The following SGCZ variants were observed in gnomAD, a reference collection of about 807,000 sequenced individuals.
The protein encoded by SGCZ is zeta-sarcoglycan.
In SGCZ, 40 loss-of-function variants were observed where a neutral mutation model predicts 41.3. The ratio of observed to expected loss-of-function variants is 0.97; its 90% CI spans 0.75 to 1.26. The LOEUF (loss-of-function observed/expected upper bound fraction) is 1.26, where lower values mean the gene tolerates loss of function less well. SGCZ is among the 50% of genes most tolerant of loss of function. SGCZ has a pLI of 0.00. For synonymous variants in SGCZ, 206 were observed against 137.5 expected, an observed-to-expected ratio of 1.50 and a Z score of -3.49; for missense variants, 552 against 369.8, an observed-to-expected ratio of 1.49 and a Z score of -4.04.
chr8:14,396,369 G>C (rs1379580341), intron 2 of SGCZ, among the ~76,000 whole-genome samples: 1 of 152,096 alleles, frequency 6.6e-6, no homozygotes, highest in Non-Finnish European at 1.5e-5. Context: ...CTGAGGAAAA[G>C]GGAGTGATAA....
chr8:14,666,391 A>T (rs1039085645), intron 1 of SGCZ, among the ~76,000 whole-genome samples: 1 of 152,204 alleles, frequency 6.6e-6, no homozygotes, highest in Non-Finnish European at 1.5e-5. Flanking sequence ...GTGAATTAAT[A>T]TTCCTCATTT....
At chr8:14,482,750 A>G (rs1346893817) in intron 2 of SGCZ, among the ~76,000 whole-genome samples, 1 of 152,038 alleles carries the variant, frequency 6.6e-6, no homozygotes, top group Non-Finnish European at 1.5e-5. Flanking sequence ...ACAAAAAGGC[A>G]GAGGAAGGTA....
intron 6 of SGCZ, among the ~76,000 whole-genome samples, chr8:14,107,043 C>T (rs182461664): frequency 1.8e-3 from 280 of 151,988 alleles, no homozygotes; most frequent in African/African-American, 6.6e-3. Flanking sequence ...GGTGAAACCC[C>T]GTCTCTACTA....
At chr8:14,637,943 G>C (rs1806888227) in intron 1 of SGCZ, among the ~76,000 whole-genome samples, 3 of 151,842 alleles carry the variant, frequency 2.0e-5, no homozygotes, top group South Asian at 2.1e-4. Context: ...CAGTGTGTAA[G>C]TGTTCTGTTT....
At chr8:15,035,152 G>A (rs9650384) in intron 1 of SGCZ, among the ~76,000 whole-genome samples, 80,954 of 151,858 alleles carry the variant, frequency 0.53, 22,665 homozygotes, top group Non-Finnish European at 0.62. Flanking sequence ...ATAATAACTT[G>A]CTAGGGGAAA....
In SGCZ at chr8:15,054,922, AC is replaced by A. The variant is rs762329823; in HGVS notation, c.39+182662del. ...GCTTGCAGTGAGTCAAAATTGTGCC[AC>A]TGCACTCCAGCCTGGGCAACAGAGC... On this transcript the variant is annotated intron_variant, in intron 1 of 7. Coordinates refer to ENST00000382080, the MANE Select transcript of SGCZ (RefSeq NM_139167.4). 7.9e-4 allele frequency among the ~76,000 whole-genome samples: 119 copies of A among 150,902 alleles called. 1 individual carries two copies. Among genetic ancestry groups the A allele is most frequent in the Admixed American group, 3.9e-3 (59 of 15,068 alleles).
chr8:14,689,291 T>C (rs528966909), intron 1 of SGCZ, among the ~76,000 whole-genome samples: 64 of 152,262 alleles, frequency 4.2e-4, no homozygotes, highest in African/African-American at 1.4e-3. Flanking sequence ...GGCAAAATGG[T>C]AAAATCACAG....
At chr8:15,114,532 TTTGA>T (rs1268481551) in intron 1 of SGCZ, among the ~76,000 whole-genome samples, 2 of 152,200 alleles carry the variant, frequency 1.3e-5, no homozygotes, top group Non-Finnish European at 2.9e-5. Flanking sequence ...TGAATCACTA[TTTGA>T]TTAACAAAAA....
intron 1 of SGCZ, among the ~76,000 whole-genome samples, chr8:14,852,821 T>C (rs1803383047): frequency 6.6e-6 from 1 of 152,204 alleles, no homozygotes; most frequent in Non-Finnish European, 1.5e-5. Flanking sequence ...ATAGCCTTTC[T>C]CTGCATCAAA....
At chr8:15,216,223 C>CTTTTTTTTTT (rs34383864) in intron 1 of SGCZ, among the ~76,000 whole-genome samples, 2 of 125,936 alleles carry the variant, frequency 1.6e-5, no homozygotes, top group Non-Finnish European at 3.2e-5. Flanking sequence ...CTTTTTTTTT[C>CTTTTTTTTTT]TTTTTTTTTT....
chr8:15,157,035 A>C (rs1370346170), intron 1 of SGCZ, among the ~76,000 whole-genome samples: 2 of 152,096 alleles, frequency 1.3e-5, no homozygotes, highest in Admixed American at 1.3e-4. Context: ...TTCTCTGGGA[A>C]TCTTTCATGA....
intron 2 of SGCZ, among the ~76,000 whole-genome samples, chr8:14,431,005 C>G (rs555856092): frequency 2.2e-4 from 34 of 152,106 alleles, no homozygotes; most frequent in Non-Finnish European, 4.6e-4. Context: ...AAGACCTGTA[C>G]AAGGAAAACT....
intron 1 of SGCZ, among the ~76,000 whole-genome samples, chr8:15,191,611 G>C (rs979902358): frequency 6.6e-6 from 1 of 151,926 alleles, no homozygotes; most frequent in African/African-American, 2.4e-5. Flanking sequence ...TTATATGAAA[G>C]TATGTGATGA....
intron 1 of SGCZ, among the ~76,000 whole-genome samples, chr8:14,692,277 C>A (rs1808824935): frequency 6.6e-6 from 1 of 151,804 alleles, no homozygotes; most frequent in African/African-American, 2.4e-5. Flanking sequence ...AGGATATTGT[C>A]AAATGAGCCA....
intron 1 of SGCZ, among the ~76,000 whole-genome samples, chr8:14,810,343 G>A (rs1021040329): frequency 6.6e-6 from 1 of 151,964 alleles, no homozygotes; most frequent in Non-Finnish European, 1.5e-5. Context: ...CAATGAGAAA[G>A]ATCATATTCT....
chr8:15,052,784 T>G (rs964393722), intron 1 of SGCZ, among the ~76,000 whole-genome samples: 1 of 152,300 alleles, frequency 6.6e-6, no homozygotes, highest in Admixed American at 6.5e-5. Context: ...TATCCAATTT[T>G]AATTTTGCTT....
At chr8:15,092,191 C>T (rs1347196770) in intron 1 of SGCZ, among the ~76,000 whole-genome samples, 1 of 152,162 alleles carries the variant, frequency 6.6e-6, no homozygotes, top group African/African-American at 2.4e-5. Flanking sequence ...GACTCTATAA[C>T]CTTAGACATG....
intron 1 of SGCZ, among the ~76,000 whole-genome samples, chr8:14,693,535 C>G (rs1412256194): frequency 6.8e-6 from 1 of 147,980 alleles, no homozygotes; most frequent in African/African-American, 2.5e-5. Flanking sequence ...CCACTCCCCT[C>G]GGCCTCCCAA....
intron 3 of SGCZ, among the ~76,000 whole-genome samples, chr8:14,283,823 A>C (rs1168594593): frequency 6.6e-6 from 1 of 152,210 alleles, no homozygotes; most frequent in Non-Finnish European, 1.5e-5. Flanking sequence ...ACCAATGTCC[A>C]CTGCTACTTT....
Sources: allele counts gnomAD v4.1 joint callset (sites outside exome capture counted in the v4.1 genomes callset), GRCh38; gene constraint gnomAD v4.1.1; transcripts MANE v1.5; gene names NCBI Gene and HGNC (gene_info 2026-07-23, HGNC 2026-07-21).